OPTN: variants seen among roughly 807,000 people sequenced by gnomAD.
OPTN encodes the protein optineurin, also known as E3-14.7K-interacting protein.
In OPTN, 54 loss-of-function variants were observed where a neutral mutation model predicts 70.4. The observed-to-expected ratio is 0.77, with a 90% CI of 0.62 to 0.96. OPTN has a LOEUF of 0.96. Among genes scored for constraint, OPTN ranks in the 40% least tolerant of loss-of-function variants. The pLI is 0.00. For synonymous variants in OPTN, 256 were observed against 248.5 expected (o/e 1.03, Z -0.28); for missense variants, 624 against 673.2 (o/e 0.93, Z 0.81).
At chr10:13,110,925 T>C (rs1317913058) in intron 4 of OPTN, among the ~76,000 whole-genome samples, 1 of 152,242 alleles carries the variant, frequency 6.6e-6, no homozygotes, top group African/African-American at 2.4e-5. Context: ...TTTTTAAAAA[T>C]GCTTTGGAAA....
At position 13,109,273 on chromosome 10, in the gene OPTN, A is replaced by G; in HGVS notation, c.151A>G (p.Asn51Asp). 6.2e-7 allele frequency: 1 copy of G among 1,613,932 alleles called. No homozygotes were observed. The highest frequency in any genetic ancestry group is 8.5e-7 in the Non-Finnish European group (1 of 1,179,946). Residue 51 changes from asparagine (N) to aspartate (D), a missense_variant, in exon 3 of 15, where the codon AAC (asparagine) becomes GAC (aspartate). Transcript: ENST00000378747. ...LQQMKELLTE[N>D]HQLKEAMKLN... ...GCAGATGAAAGAGCTCCTGACCGAG[A>G]ACCACCAGCTGAAAGGTGAGCAGGG... is the stretch of plus-strand genomic sequence containing the variant.
chr10:13,109,834 CA>C (rs33911800), intron 3 of OPTN, among the ~76,000 whole-genome samples: 10 of 84,888 alleles, frequency 1.2e-4, no homozygotes, highest in Admixed American at 4.7e-4. Flanking sequence ...GACCCTGACT[CA>C]AAAAAAAAAA....
At chr10:13,115,458 T>A (rs1272646391) in intron 5 of OPTN, among the ~76,000 whole-genome samples, 2 of 104,460 alleles carry the variant, frequency 1.9e-5, no homozygotes, top group African/African-American at 9.2e-5. Context: ...TATTCTATAT[T>A]ATATAATATA....
intron 2 of OPTN, among the ~76,000 whole-genome samples, chr10:13,108,768 A>G (rs901216957): frequency 6.6e-6 from 1 of 151,894 alleles, no homozygotes; most frequent in African/African-American, 2.4e-5. Flanking sequence ...GGATGGTCTC[A>G]ATCTCCTGAC....
intron 4 of OPTN, among the ~76,000 whole-genome samples, chr10:13,110,744 T>C (rs1410552102): frequency 1.3e-5 from 2 of 152,210 alleles, no homozygotes; most frequent in East Asian, 1.9e-4. Context: ...AATCATTGTA[T>C]TGTATTCATT....
Position 13,124,059 on chromosome 10 carries a change from C to G in OPTN, c.947C>G (p.Ala316Gly). The change falls in exon 9 of 15, where the codon GCT becomes GGT. Residue 316 changes from alanine to glycine, a missense_variant. Coordinates refer to ENST00000378747, the MANE Select transcript of OPTN (RefSeq NM_001008212.2). ...VTSLFKELQEAHTKLSEAELM... is the reference protein window; with the variant it reads ...VTSLFKELQEGHTKLSEAELM... ...TCTCTGTTTAAGGAGCTTCAAGAGG[C>G]TCATACAAAACTCAGCGAAGCTGAG... 6.2e-7 allele frequency: 1 copy of G among 1,613,874 alleles called. No homozygotes were observed. Among genetic ancestry groups the G allele is most frequent in the South Asian group, 1.1e-5 (1 of 91,050 alleles).
Position 13,132,203 on chromosome 10 carries a change from G to C in OPTN, c.1532+6G>C, listed in dbSNP as rs766311018. On this transcript the variant is annotated splice_donor_region_variant and intron_variant, in intron 13 of 14. Transcript: ENST00000378747. ...GCTTTCGAAGACGGAGGCAGGTAAGGAAAAGAGAGAGGAGGACCCAGAGCT... is the reference window on the plus strand; with the variant it reads ...GCTTTCGAAGACGGAGGCAGGTAAGCAAAAGAGAGAGGAGGACCCAGAGCT... 1 of 1,611,674 alleles carries C rather than the reference G, an allele frequency of 6.2e-7. No homozygotes were observed. Among genetic ancestry groups the C allele is most frequent in the Admixed American group, 1.7e-5 (1 of 59,970 alleles).
chr10:13,104,361 G>A (rs1393810985), intron 1 of OPTN, among the ~76,000 whole-genome samples: 2 of 146,424 alleles, frequency 1.4e-5, no homozygotes, highest in Non-Finnish European at 3.0e-5. Context: ...CCAGGTTCAA[G>A]CGATTCTCAT....
intron 13 of OPTN, among the ~76,000 whole-genome samples, chr10:13,132,953 A>C (rs1242373593): frequency 6.6e-6 from 1 of 152,180 alleles, no homozygotes; most frequent in Non-Finnish European, 1.5e-5. Context: ...TGTAGTTAGA[A>C]TCAAAGTCTC....
At chr10:13,120,787 C>T (rs571168918) in intron 7 of OPTN, among the ~76,000 whole-genome samples, 9 of 152,116 alleles carry the variant, frequency 5.9e-5, no homozygotes, top group Non-Finnish European at 1.2e-4. Flanking sequence ...TGTATTAGCC[C>T]GTTTTCATAC....
At chr10:13,123,496 C>T (rs748729785) in intron 8 of OPTN, among the ~76,000 whole-genome samples, 4 of 152,116 alleles carry the variant, frequency 2.6e-5, no homozygotes, top group East Asian at 1.9e-4. Context: ...TTGACTAAAA[C>T]GAATTCAACA....
Position 13,132,073 on chromosome 10 carries a change from G to A in OPTN, c.1408G>A (p.Val470Ile). Reference sequence around the variant, plus strand: ...TCTTTTTTTCCTCTAACAGATGGAAGTTTACTGTTCTGATTTTCATGCTGA... The same window carrying A: ...TCTTTTTTTCCTCTAACAGATGGAAATTTACTGTTCTGATTTTCATGCTGA... Reference protein sequence around the residue: ...TMTILRAQMEVYCSDFHAERA... With the variant: ...TMTILRAQMEIYCSDFHAERA... The change falls in exon 13 of 15, where the codon GTT becomes ATT. Residue 470 changes from valine (V) to isoleucine (I), a missense_variant. Transcript: ENST00000378747. 1.2e-6 allele frequency: 2 copies of A among 1,612,518 alleles called. No homozygotes were observed. The highest frequency in any genetic ancestry group is 1.7e-6 in the Non-Finnish European group (2 of 1,178,906).
intron 1 of OPTN, among the ~76,000 whole-genome samples, chr10:13,101,385 A>C: frequency 6.9e-6 from 1 of 145,312 alleles, no homozygotes; most frequent in African/African-American, 2.6e-5. Context: ...TAACTAACCT[A>C]ACCTCCACCC....
intron 12 of OPTN, among the ~76,000 whole-genome samples, chr10:13,130,408 G>C (rs1387306072): frequency 4.4e-5 from 5 of 112,514 alleles, no homozygotes; most frequent in African/African-American, 1.7e-4. Flanking sequence ...CTGGGCGACA[G>C]AGCGAGACTC....
intron 5 of OPTN, 104 bp from the exon 6 acceptor site, chr10:13,116,163 G>A: frequency 1.3e-6 from 1 of 795,810 alleles, no homozygotes; most frequent in Non-Finnish European, 2.2e-6. Context: ...AGCTTCCTTG[G>A]GTTGCATGTC....
At chr10:13,128,216 G>A (rs980891226) in intron 12 of OPTN, among the ~76,000 whole-genome samples, 2 of 152,156 alleles carry the variant, frequency 1.3e-5, no homozygotes, top group Admixed American at 1.3e-4. Flanking sequence ...TAGGAGTGGA[G>A]TCGCTGGATC....
At chr10:13,135,986 G>T (rs1424157359) in intron 14 of OPTN, among the ~76,000 whole-genome samples, 3 of 152,088 alleles carry the variant, frequency 2.0e-5, no homozygotes, top group Non-Finnish European at 4.4e-5. Flanking sequence ...CAGGAGTTCA[G>T]AACCAGCCTG....
rs759799377 is a variant in OPTN, at chr10:13,133,479, C to A, written c.1533-23C>A. ...TTCGGGGTTGTAGAACATCACACAG[C>A]GTGTTGCTTTTCGTCCTGGCAGGCA... On this transcript the variant is annotated intron_variant, in intron 13 of 14. Transcript: ENST00000378747. The A allele has an allele frequency of 8.1e-6, 13 of 1,608,120 alleles. No homozygotes were observed. The Admixed American group carries it at 2.0e-4, about 25-fold the overall frequency.
In OPTN at chr10:13,125,506, C is replaced by G. The variant is rs1269074671; in HGVS notation, c.1087C>G (p.Leu363Val). Residue 363 changes from leucine (L) to valine (V), a missense_variant, in exon 10 of 15, where the codon CTA becomes GTA. Leu to Val is a conservative substitution (Grantham distance 32). Coordinates refer to ENST00000378747, the MANE Select transcript of OPTN (RefSeq NM_001008212.2). ...TGTTTATACTAACAAAAAGTTAGAG[C>G]TACAAGTGGAAAGCATGCTATCAGA... is the stretch of plus-strand genomic sequence containing the variant. ...ELVYTNKKLE[L>V]QVESMLSEIK... The G allele has an allele frequency of 6.2e-7, 1 of 1,613,990 alleles. No homozygotes were observed. Among genetic ancestry groups the G allele is most frequent in the African/African-American group, 1.3e-5 (1 of 74,988 alleles).
Sources: gnomAD v4.1 joint callset for allele counts (sites outside exome capture counted in the v4.1 genomes callset) on GRCh38, gnomAD v4.1.1 for gene constraint, MANE v1.5 for transcripts, NCBI Gene and HGNC (gene_info 2026-07-23, HGNC 2026-07-21) for gene names.